The following ITGA8 variants were observed in gnomAD, a reference collection of about 807,000 sequenced individuals.
ITGA8 encodes integrin subunit alpha 8.
ITGA8 carries 91 observed loss-of-function variants against 142.3 expected under a neutral mutation model. The ratio of observed to expected loss-of-function variants is 0.64; its 90% CI spans 0.54 to 0.76. ITGA8 has a LOEUF of 0.76. Among genes scored for constraint, ITGA8 ranks in the 30% least tolerant of loss-of-function variants. The pLI is 0.00. For synonymous variants in ITGA8, 505 were observed against 485.2 expected, an observed-to-expected ratio of 1.04 and a Z score of -0.54; for missense variants, 1,406 against 1,327.7, an observed-to-expected ratio of 1.06 and a Z score of -0.92.
rs200182737 is a variant in ITGA8 at position 15,611,865 on chromosome 10, CT to C, written c.1553+1794del. On this transcript the variant is annotated intron_variant, in intron 15 of 29. Coordinates refer to ENST00000378076, the MANE Select transcript of ITGA8 (RefSeq NM_003638.3). ...ACAAATATGCATTAAACTAAAAACC[CT>C]TAGAATCAATTATCTAGTTCAAAAC... Among the ~76,000 whole-genome samples, 294 of 151,954 alleles carry C rather than the reference CT, an allele frequency of 1.9e-3. 8 individuals are homozygous for C. The East Asian group carries it at 0.048, about 25-fold the overall frequency.
rs183715583 is a variant in ITGA8, at chr10:15,683,485, G to A, written c.568+519C>T. Among the ~76,000 whole-genome samples the A allele has an allele frequency of 2.0e-4, 30 of 152,292 alleles. No individual in the cohort carries two copies. In the East Asian group the frequency reaches 5.2e-3, roughly 27 times the overall value. On this transcript the variant is annotated intron_variant, in intron 4 of 29. Coordinates refer to ENST00000378076, the MANE Select transcript of ITGA8 (RefSeq NM_003638.3). The stretch of plus-strand genomic sequence containing the variant: ...CTGCCAGATGAGATTTGAACTCTAA[G>A]TATACAGAGTCATTTTGAAAAAAAG...
chr10:15,527,905 G>GTTTT (rs1833206864), intron 28 of ITGA8, among the ~76,000 whole-genome samples: 1 of 97,140 alleles, frequency 1.0e-5, no homozygotes, highest in African/African-American at 5.1e-5. Context: ...TTTCGGCTGG[G>GTTTT]CTTTTTTTTT....
intron 21 of ITGA8, among the ~76,000 whole-genome samples, chr10:15,596,261 A>G (rs2131600386): frequency 6.6e-6 from 1 of 152,308 alleles, no homozygotes; most frequent in Admixed American, 6.5e-5. Context: ...CAGACGGGAT[A>G]GAACATGGGC....
At chr10:15,595,123 T>C (rs996099631) in intron 21 of ITGA8, among the ~76,000 whole-genome samples, 3 of 152,230 alleles carry the variant, frequency 2.0e-5, no homozygotes, top group Non-Finnish European at 4.4e-5. Flanking sequence ...AGCTACTCTA[T>C]GGAAATGACT....
At chr10:15,569,200 A>G (rs1353981424) in intron 25 of ITGA8, among the ~76,000 whole-genome samples, 1 of 152,198 alleles carries the variant, frequency 6.6e-6, no homozygotes, top group East Asian at 1.9e-4. Context: ...ATGATTAAAG[A>G]GGAAAACGTA....
intron 25 of ITGA8, among the ~76,000 whole-genome samples, chr10:15,563,928 A>C (rs76205589): frequency 1.7e-5 from 1 of 58,874 alleles, no homozygotes. Context: ...CAAAAAAAAA[A>C]AAAACAAAAA....
At chr10:15,640,641 A>C (rs1188418945) in intron 13 of ITGA8, among the ~76,000 whole-genome samples, 1 of 152,200 alleles carries the variant, frequency 6.6e-6, no homozygotes, top group Admixed American at 6.5e-5. Context: ...ACTGCAGCTC[A>C]ATCAGGGGCT....
At chr10:15,568,605 G>A (rs1033050776) in intron 25 of ITGA8, among the ~76,000 whole-genome samples, 7 of 152,126 alleles carry the variant, frequency 4.6e-5, no homozygotes, top group South Asian at 2.1e-4. Flanking sequence ...GTTATAGACC[G>A]GTTGTATTTC....
chr10:15,569,544 A>G (rs945329671), intron 25 of ITGA8, among the ~76,000 whole-genome samples: 2 of 152,170 alleles, frequency 1.3e-5, no homozygotes, highest in Non-Finnish European at 2.9e-5. Flanking sequence ...TCCTTTTAGT[A>G]AGCCCATCCT....
At chr10:15,706,643 T>G (rs993732215) in intron 2 of ITGA8, among the ~76,000 whole-genome samples, 1 of 152,168 alleles carries the variant, frequency 6.6e-6, no homozygotes, top group Non-Finnish European at 1.5e-5. Context: ...TCTTGCTACA[T>G]TGCCCAGACT....
intron 23 of ITGA8, among the ~76,000 whole-genome samples, chr10:15,579,127 C>T (rs1267262201): frequency 6.6e-6 from 1 of 151,992 alleles, no homozygotes; most frequent in Non-Finnish European, 1.5e-5. Context: ...GCTGTTTGTT[C>T]TTTGATGTAT....
intron 29 of ITGA8, among the ~76,000 whole-genome samples, chr10:15,518,646 CTTGGCAA>C (rs1211052098): frequency 3.9e-5 from 6 of 152,210 alleles, no homozygotes; most frequent in African/African-American, 1.4e-4. Flanking sequence ...CTCTGTGAAA[CTTGGCAA>C]TTGTTTAGGT....
intron 2 of ITGA8, among the ~76,000 whole-genome samples, chr10:15,695,042 C>T (rs1411147960): frequency 6.6e-6 from 1 of 152,106 alleles, no homozygotes; most frequent in African/African-American, 2.4e-5. Flanking sequence ...CTGAACGGGA[C>T]CTTCCTTTGC....
chr10:15,589,764 AT>A (rs5783452), intron 22 of ITGA8, among the ~76,000 whole-genome samples: 48 of 137,564 alleles, frequency 3.5e-4, no homozygotes, highest in African/African-American at 7.4e-4. Context: ...CAAACGCTGT[AT>A]TTTTTTTTTT....
intron 8 of ITGA8, among the ~76,000 whole-genome samples, chr10:15,667,579 C>G (rs1834420792): frequency 6.6e-6 from 1 of 151,962 alleles, no homozygotes; most frequent in African/African-American, 2.4e-5. Context: ...TGTGTTTGCT[C>G]TCACTTCTCT....
At chr10:15,534,838 G>A (rs954085911) in intron 27 of ITGA8, among the ~76,000 whole-genome samples, 3 of 152,184 alleles carry the variant, frequency 2.0e-5, no homozygotes, top group Admixed American at 6.5e-5. Flanking sequence ...CGCTCTCGGC[G>A]CCTCCTCTGC....
intron 28 of ITGA8, among the ~76,000 whole-genome samples, chr10:15,522,011 A>G (rs1050728186): frequency 2.0e-5 from 3 of 152,216 alleles, no homozygotes; most frequent in African/African-American, 7.2e-5. Flanking sequence ...TAGAAGGGAT[A>G]CATTCTAGTG....
At chr10:15,553,424 A>G (rs1373239920) in intron 26 of ITGA8, among the ~76,000 whole-genome samples, 1 of 151,466 alleles carries the variant, frequency 6.6e-6, no homozygotes, top group Non-Finnish European at 1.5e-5. Flanking sequence ...GTCCATTTCC[A>G]TAGTTCAAAC....
rs962521447 is a variant in ITGA8 at position 15,514,038 on chromosome 10, CAA to C, written c.*3118_*3119del. The C allele has an allele frequency of 1.3e-5, 2 of 152,090 alleles. No homozygotes were observed. The highest frequency in any genetic ancestry group is 4.8e-5 in the African/African-American group (2 of 41,410). 9.4% of individuals were successfully genotyped at this position (152,090 alleles called of 1,614,324 possible). A position where few individuals can be genotyped will look rare whatever the true frequency, so the allele number is the denominator to read the frequency against. The stretch of plus-strand genomic sequence containing the variant: ...TATCTACGCACGTATTTAAATAAAA[CAA>C]GAGTCGAGTTCTAAGAATGCAGTTT... On this transcript the variant is annotated 3_prime_UTR_variant, in exon 30 of 30. Transcript: ENST00000378076.
Sources: allele counts gnomAD v4.1 joint callset (sites outside exome capture counted in the v4.1 genomes callset), GRCh38; gene constraint gnomAD v4.1.1; transcripts MANE v1.5; gene names NCBI Gene and HGNC (gene_info 2026-07-23, HGNC 2026-07-21).